The following MAP1A variants were observed in gnomAD, a reference collection of about 807,000 sequenced individuals.
The protein encoded by MAP1A is microtubule associated protein 1A.
A neutral mutation model predicts 185.9 loss-of-function variants in MAP1A; 42 were observed. The observed-to-expected ratio is 0.23, with a 90% CI of 0.18 to 0.29. The LOEUF (loss-of-function observed/expected upper bound fraction) is 0.29, where lower values mean the gene tolerates loss of function less well. Ranked by LOEUF, MAP1A falls within the 10% of genes least tolerant of loss-of-function variation. The probability of loss-of-function intolerance (pLI) is 1.00; values close to 1 mark genes in which losing one functional copy is unlikely to be tolerated. For missense variants in MAP1A, 2,995 were observed against 3,450.4 expected (o/e 0.87, Z 3.31); for synonymous variants, 1,229 against 1,335.9 (o/e 0.92, Z 1.74).
Position 43,523,970 on chromosome 15 carries a change from A to C in MAP1A, c.2497A>C (p.Thr833Pro), listed in dbSNP as rs1198733391. Residue 833 changes from threonine to proline, a missense_variant, in exon 4 of 6, where the codon ACT (threonine) becomes CCT (proline). By Grantham distance (38) the Thr-to-Pro change is conservative (BLOSUM62 -1). Coordinates refer to ENST00000300231, the MANE Select transcript of MAP1A (RefSeq NM_002373.6). ...ACATGTGTCCTCGGCCACTTCAATC[A>C]CTGAGTGTGACAAACTTTCTTCCTT... ...EEHVSSATSITECDKLSSFAT... is the reference protein window; with the variant it reads ...EEHVSSATSIPECDKLSSFAT... The C allele has an allele frequency of 6.2e-7, 1 of 1,613,966 alleles. No individual in the cohort carries two copies.
rs1342721010 is a variant in MAP1A at position 43,528,972 on chromosome 15, C to T, written c.7499C>T (p.Pro2500Leu). Residue 2500 changes from proline (P) to leucine (L), a missense_variant, in exon 4 of 6, where the codon CCT becomes CTT. Transcript: ENST00000300231. The stretch of plus-strand genomic sequence containing the variant: ...TGCCCTGTGACTGATGAGACACCCC[C>T]TACATCAGCCAGTGACTCAGGCTCC... ...GPCPVTDETP[P>L]TSASDSGSSQ... 4 of 1,613,274 alleles carry T rather than the reference C, an allele frequency of 2.5e-6. No individual in the cohort carries two copies. In the African/African-American group the frequency reaches 5.3e-5, roughly 22 times the overall value.
rs2079311807 is a variant in MAP1A, at chr15:43,519,625, T to C, written c.-374-1016T>C. Among the ~76,000 whole-genome samples the C allele has an allele frequency of 2.0e-5, 3 of 152,346 alleles. No homozygotes were observed. In the South Asian group the frequency reaches 6.2e-4, roughly 32 times the overall value. On this transcript the variant is annotated intron_variant, in intron 1 of 5. Transcript: ENST00000300231. Reference sequence around the variant, plus strand: ...GCGGGTGCAGGGGATGGCAGCATTCTTCTTCAGCATCTTCTGTCTCATTTG... The same window carrying C: ...GCGGGTGCAGGGGATGGCAGCATTCCTCTTCAGCATCTTCTGTCTCATTTG...
intron 2 of MAP1A, 116 bp downstream of exon 2, chr15:43,520,839 A>T: frequency 3.8e-6 from 5 of 1,309,584 alleles, no homozygotes; most frequent in Non-Finnish European, 1.1e-6. Context: ...AAGCTGACGT[A>T]TTGTCTCCAG....
chr15:43,521,360 C>G lies in MAP1A; in HGVS notation c.-114C>G, dbSNP rs182590177. 1.2e-6 allele frequency: 2 copies of G among 1,613,156 alleles called. No individual in the cohort carries two copies. The highest frequency in any genetic ancestry group is 2.7e-5 in the African/African-American group (2 of 74,904). ...GCTCAGCAATAGAGACCCTGGGATACAGGCCTTCCTTACCGTGTCCTGCTT... is the reference window on the plus strand; with the variant it reads ...GCTCAGCAATAGAGACCCTGGGATAGAGGCCTTCCTTACCGTGTCCTGCTT... On this transcript the variant is annotated 5_prime_UTR_variant, in exon 4 of 6. It introduces an in-frame stop codon into an upstream open reading frame of the 5' UTR. Transcript: ENST00000300231. The surrounding 1 kb of genome is among the most constrained non-coding windows in gnomAD (Gnocchi z 4.6).
intron 1 of MAP1A, among the ~76,000 whole-genome samples, chr15:43,518,987 G>A (rs1187993212): frequency 3.9e-5 from 6 of 152,166 alleles, no homozygotes; most frequent in Admixed American, 2.0e-4. Context: ...AATGGGGACC[G>A]TGAGGAATGG....
At chr15:43,517,177 T>C (rs2079300572), upstream of MAP1A, among the ~76,000 whole-genome samples, 1 of 152,096 alleles carries the variant, frequency 6.6e-6, no homozygotes, top group African/African-American at 2.4e-5. Context: ...TACCCCATGC[T>C]TTTGGGCCCC....
At position 43,526,775 on chromosome 15, in the gene MAP1A, G is replaced by C. The variant is rs565154017; in HGVS notation, c.5302G>C (p.Glu1768Gln). 1.2e-6 allele frequency: 2 copies of C among 1,614,176 alleles called. No individual in the cohort carries two copies. Among genetic ancestry groups the C allele is most frequent in the African/African-American group, 2.7e-5 (2 of 75,044 alleles). The change falls in exon 4 of 6, where the codon GAG becomes CAG. Residue 1768 changes from glutamate to glutamine, a missense_variant. Coordinates refer to ENST00000300231, the MANE Select transcript of MAP1A (RefSeq NM_002373.6). The surrounding 1 kb of genome is among the most constrained non-coding windows in gnomAD (Gnocchi z 4.7). ...FQESSPQKGLEVERWLAESPV... is the reference protein window; with the variant it reads ...FQESSPQKGLQVERWLAESPV... ...GGAATCCTCACCACAGAAGGGGCTAGAGGTGGAGCGCTGGCTTGCTGAATC... is the reference window on the plus strand; with the variant it reads ...GGAATCCTCACCACAGAAGGGGCTACAGGTGGAGCGCTGGCTTGCTGAATC...
At chr15:43,515,969 G>A (rs2079295628), upstream of MAP1A, among the ~76,000 whole-genome samples, 1 of 152,154 alleles carries the variant, frequency 6.6e-6, no homozygotes, top group African/African-American at 2.4e-5. Context: ...GGCCCTTGGG[G>A]GTGGCAGCTG....
intron 1 of MAP1A, among the ~76,000 whole-genome samples, chr15:43,520,053 C>A (rs551904851): frequency 6.6e-6 from 1 of 152,324 alleles, no homozygotes; most frequent in South Asian, 2.1e-4. Context: ...TATGTCCATT[C>A]TTTGAATCAT....
At position 43,528,198 on chromosome 15, in the gene MAP1A, CT is replaced by C. The variant is rs2079354493; in HGVS notation, c.6726del (p.Leu2243SerfsTer25). On this transcript the variant is annotated frameshift_variant, in exon 4 of 6. Transcript: ENST00000300231. LOFTEE classifies it high-confidence loss of function. ...CCATCACCCAGTTCTCCTGGGGCCC[CT>C]CTCCTCTCCAATCTGCCACGACCTG... ...QLPSPSSPGA[P>X]LLSNLPRPAS... is the part of the protein sequence containing the mutation. 1 of 1,614,152 alleles carries C rather than the reference CT, an allele frequency of 6.2e-7. No homozygotes were observed. The highest frequency in any genetic ancestry group is 8.5e-7 in the Non-Finnish European group (1 of 1,180,036).
In MAP1A at chr15:43,524,947, G is replaced by C; in HGVS notation, c.3474G>C (p.Val1158=). 6.2e-7 allele frequency: 1 copy of C among 1,614,080 alleles called. No individual in the cohort carries two copies. The highest frequency in any genetic ancestry group is 8.5e-7 in the Non-Finnish European group (1 of 1,180,014). The change falls in exon 4 of 6, where the codon GTG becomes GTC. Residue 1158 remains valine, a synonymous_variant. Coordinates refer to ENST00000300231, the MANE Select transcript of MAP1A (RefSeq NM_002373.6). ...EDAESLSVLS[V]PSPDTANQEP... is the part of the protein sequence containing the mutation. Reference sequence around the variant, plus strand: ...CAGAATCCCTCTCTGTCCTCAGCGTGCCCTCCCCAGACACTGCCAACCAAG... The same window carrying C: ...CAGAATCCCTCTCTGTCCTCAGCGTCCCCTCCCCAGACACTGCCAACCAAG...
chr15:43,527,462 C>G lies in MAP1A; in HGVS notation c.5989C>G (p.Pro1997Ala). 6.2e-7 allele frequency: 1 copy of G among 1,614,104 alleles called. No individual in the cohort carries two copies. Reference sequence around the variant, plus strand: ...TCCACTTGGAGCAGCTGGGGATTGGCCCCCATGCCTCTCAACCAAGGAGGC... The same window carrying G: ...TCCACTTGGAGCAGCTGGGGATTGGGCCCCATGCCTCTCAACCAAGGAGGC... ...EPPLGAAGDWPPCLSTKEAAA... is the reference protein window; with the variant it reads ...EPPLGAAGDWAPCLSTKEAAA... Residue 1997 changes from proline to alanine, a missense_variant, in exon 4 of 6, where the codon CCC (proline) becomes GCC (alanine). Around this residue, in one of 3 missense-constraint regions of MAP1A, gnomAD observed 2,728 missense variants for 2,986.0 expected, o/e 0.91. Transcript: ENST00000300231.
In MAP1A at chr15:43,525,845, G is replaced by C; in HGVS notation, c.4372G>C (p.Glu1458Gln). 1.3e-6 allele frequency: 2 copies of C among 1,578,118 alleles called. No homozygotes were observed. The highest frequency in any genetic ancestry group is 1.7e-6 in the Non-Finnish European group (2 of 1,163,888). ...KIPEEKDKAL[E>Q]QKDTALEQKD... The stretch of plus-strand genomic sequence containing the variant: ...TCCAGAAGAGAAAGACAAAGCCTTA[G>C]AACAAAAGGATACAGCCCTGGAACA... The change falls in exon 4 of 6, where the codon GAA (glutamate) becomes CAA (glutamine). Residue 1458 changes from glutamate to glutamine, a missense_variant. Glu to Gln is a conservative substitution (Grantham distance 29). This residue lies in a region of MAP1A where 2,728 missense variants were observed against 2,986.0 expected (regional missense o/e 0.91). Coordinates refer to ENST00000300231, the MANE Select transcript of MAP1A (RefSeq NM_002373.6).
rs994017689 is a variant in MAP1A, at chr15:43,511,185, CAG to C, written c.202_203del (p.Gln69AlafsTer9). 7 of 1,550,466 alleles carry C rather than the reference CAG, an allele frequency of 4.5e-6. No individual in the cohort carries two copies. The highest frequency in any genetic ancestry group is 6.1e-6 in the Non-Finnish European group (7 of 1,146,972). ...CTAATTGTGATCGGCGATATCGGTA[CAG>C]AGAGTCAGCTGAGGGCCGTGCGGGC... On this transcript the variant is annotated frameshift_variant, in exon 1 of 7. Coordinates refer to the MAP1A transcript ENST00000382031. LOFTEE classifies it high-confidence loss of function.
Position 43,522,816 on chromosome 15 carries a change from A to T in MAP1A, c.1343A>T (p.Lys448Met). 1 of 1,586,810 alleles carries T rather than the reference A, an allele frequency of 6.3e-7. No individual in the cohort carries two copies. The change falls in exon 4 of 6, where the codon AAG becomes ATG. Residue 448 changes from lysine to methionine, a missense_variant. Lys to Met is a moderately conservative substitution (Grantham distance 95). This residue lies in a region of MAP1A where 2,728 missense variants were observed against 2,986.0 expected (regional missense o/e 0.91). Transcript: ENST00000300231. This position sits in a 1 kb window ranked among gnomAD's most constrained non-coding sequence, Gnocchi z 5.9. ...AAGAAGGATGCCAAGAAGGAGGAGAAGAGGAAAGATACCAAACCTGAGCTC... is the reference window on the plus strand; with the variant it reads ...AAGAAGGATGCCAAGAAGGAGGAGATGAGGAAAGATACCAAACCTGAGCTC... ...EEKKDAKKEEKRKDTKPELKK... is the reference protein window; with the variant it reads ...EEKKDAKKEEMRKDTKPELKK...
Position 43,528,104 on chromosome 15 carries a change from A to G in MAP1A, c.6631A>G (p.Arg2211Gly). ...GGCTCTGGCTCCAGGACCCCCCACC[A>G]GAACCCGGCATGATGAATACCTGGA... ...ALALAPGPPTRTRHDEYLEVT... is the reference protein window; with the variant it reads ...ALALAPGPPTGTRHDEYLEVT... The change falls in exon 4 of 6, where the codon AGA (arginine) becomes GGA (glycine). Residue 2211 changes from arginine (R) to glycine (G), a missense_variant. Transcript: ENST00000300231. 1 of 1,613,896 alleles carries G rather than the reference A, an allele frequency of 6.2e-7. No individual in the cohort carries two copies. The highest frequency in any genetic ancestry group is 1.3e-5 in the African/African-American group (1 of 74,946).
In MAP1A at chr15:43,528,642, G is replaced by A. The variant is rs756510428; in HGVS notation, c.7169G>A (p.Arg2390His). The stretch of plus-strand genomic sequence containing the variant: ...GCTGCGGCTTGCCCTGCCTGGGAAC[G>A]TGGGGCCTGGCCTGAAGGAGCTGAG... ...EEAAACPAWERGAWPEGAERS... is the reference protein window; with the variant it reads ...EEAAACPAWEHGAWPEGAERS... The change falls in exon 4 of 6, where the codon CGT becomes CAT. Residue 2390 changes from arginine to histidine, a missense_variant. Around this residue, in one of 3 missense-constraint regions of MAP1A, gnomAD observed 2,728 missense variants for 2,986.0 expected, o/e 0.91. Coordinates refer to ENST00000300231, the MANE Select transcript of MAP1A (RefSeq NM_002373.6). 96 of 1,613,158 alleles carry A rather than the reference G, an allele frequency of 6.0e-5. No individual in the cohort carries two copies. In the South Asian group the frequency reaches 7.8e-4, roughly 13 times the overall value.
At position 43,517,668 on chromosome 15, in the gene MAP1A, G is replaced by T; in HGVS notation, c.-407G>T. The T allele has an allele frequency of 1.0e-6, 1 of 977,460 alleles. No homozygotes were observed. The highest frequency in any genetic ancestry group is 1.2e-4 in the East Asian group (1 of 8,282). 60.5% of individuals were successfully genotyped at this position (977,460 alleles called of 1,614,324 possible). On this transcript the variant is annotated 5_prime_UTR_variant, in exon 1 of 6. Transcript: ENST00000300231. The stretch of plus-strand genomic sequence containing the variant: ...GCTGCCGGCTGAGGCCGGAGCTGCC[G>T]CCTCCATGAGAGGCTTCCTCCTACA...
rs117700488 is a variant in MAP1A at position 43,520,878 on chromosome 15, A to C, written c.-291-94A>C. The C allele has an allele frequency of 2.6e-3, 3,508 of 1,368,682 alleles. 24 individuals are homozygous for C. The highest frequency in any genetic ancestry group is 0.016 in the South Asian group (1,260 of 77,098). 84.8% of individuals were successfully genotyped at this position (1,368,682 alleles called of 1,614,324 possible). On this transcript the variant is annotated intron_variant, in intron 2 of 5. Transcript: ENST00000300231. ...ACTCTGGAGGTGTTATGAGGGACAT[A>C]AGTTGGGAGCATGTTCTTGAGGTAC...
Sources: gnomAD v4.1 joint callset for allele counts (sites outside exome capture counted in the v4.1 genomes callset) on GRCh38, gnomAD v4.1.1 for gene constraint, gnomAD v4.1.1 regional missense constraint, Gnocchi (gnomAD v3.1) non-coding constraint, MANE v1.5 for transcripts, NCBI Gene and HGNC (gene_info 2026-07-23, HGNC 2026-07-21) for gene names.